The following ANKFY1 variants were observed in gnomAD, a reference collection of about 807,000 sequenced individuals.
The protein encoded by ANKFY1 is ankyrin repeat and FYVE domain containing 1, also known as ankyrin repeat and FYVE domain-containing protein 1.
Under a neutral mutation model 128.3 loss-of-function variants are expected in ANKFY1, and 47 were observed. The ratio of observed to expected loss-of-function variants is 0.37; its 90% CI spans 0.29 to 0.47. The LOEUF (loss-of-function observed/expected upper bound fraction) is 0.47. Among genes scored for constraint, ANKFY1 ranks in the 20% least tolerant of loss-of-function variants. The pLI is 1.00. For missense variants in ANKFY1, 1,222 were observed against 1,510.6 expected, an observed-to-expected ratio of 0.81 and a Z score of 3.17; for synonymous variants, 553 against 601.6, an observed-to-expected ratio of 0.92 and a Z score of 1.18.
chr17:4,180,737 G>T (rs1191733705), intron 16 of ANKFY1, among the ~76,000 whole-genome samples: 1 of 141,346 alleles, frequency 7.1e-6, no homozygotes. Context: ...CTCTAGCCTG[G>T]GTGAGAGAGC....
rs2059515294 is a variant in ANKFY1 at position 4,181,451 on chromosome 17, A to G, written c.2122-79T>C. 2.2e-6 allele frequency: 2 copies of G among 909,572 alleles called. No homozygotes were observed. Among genetic ancestry groups the G allele is most frequent in the South Asian group, 1.3e-5 (1 of 74,504 alleles). 56.3% of individuals were successfully genotyped at this position (909,572 alleles called of 1,614,324 possible). Reference sequence around the variant, plus strand: ...TTATTACCAAGTCTGAGCTCTATGTATAGCATTAAATCCACTTTCAGATAA... The same window carrying G: ...TTATTACCAAGTCTGAGCTCTATGTGTAGCATTAAATCCACTTTCAGATAA... On this transcript the variant is annotated intron_variant, in intron 15 of 24. Coordinates refer to ENST00000341657, the MANE Select transcript of ANKFY1 (RefSeq NM_001330063.2). This position sits in a 1 kb window ranked among gnomAD's most constrained non-coding sequence, Gnocchi z 4.9.
At chr17:4,232,468 T>C (rs1307844706) in intron 3 of ANKFY1, among the ~76,000 whole-genome samples, 1 of 152,214 alleles carries the variant, frequency 6.6e-6, no homozygotes, top group Non-Finnish European at 1.5e-5. Flanking sequence ...CATTAAAATG[T>C]CATAAAAAGT....
chr17:4,231,105 T>C (rs941675799), intron 3 of ANKFY1, among the ~76,000 whole-genome samples: 1 of 152,232 alleles, frequency 6.6e-6, no homozygotes. Context: ...CTTGACATGT[T>C]TGAGAAACAC....
intron 2 of ANKFY1, among the ~76,000 whole-genome samples, chr17:4,237,738 C>T (rs958248431): frequency 1.3e-4 from 19 of 151,966 alleles, no homozygotes; most frequent in Non-Finnish European, 2.2e-4. Context: ...TTTTAAAACA[C>T]AAATGAAAAC....
Position 4,217,107 on chromosome 17 carries a change from C to T in ANKFY1, c.334G>A (p.Glu112Lys). ...CAGCGAAGCATTGTCATCGTCACCT[C>T]AGGATTAGCATCTGGTTAAAGAAAG... ...KELDLSDANP[E>K]VTMTMLRWIY... Residue 112 changes from glutamate to lysine, a missense_variant, in exon 4 of 25, where the codon GAG becomes AAG. Physicochemically the swap from Glu to Lys is moderately conservative, Grantham distance 56. Transcript: ENST00000341657. 1.9e-6 allele frequency: 3 copies of T among 1,610,804 alleles called. No homozygotes were observed. The highest frequency in any genetic ancestry group is 2.5e-6 in the Non-Finnish European group (3 of 1,178,242).
chr17:4,195,495 GT>G, intron 8 of ANKFY1, 24 bp from the exon 9 acceptor site: 10 of 1,606,138 alleles, frequency 6.2e-6, no homozygotes, highest in Non-Finnish European at 8.5e-6. Flanking sequence ...AAGAAGAGGG[GT>G]CAGTTCAGGA....
At chr17:4,209,982 G>A in intron 4 of ANKFY1, 35 bp from the exon 5 acceptor site, 1 of 1,582,712 alleles carries the variant, frequency 6.3e-7, no homozygotes, top group Non-Finnish European at 8.7e-7. Flanking sequence ...GAGTATTACT[G>A]GACAAATAAT....
chr17:4,241,582 C>G (rs1967227960), intron 2 of ANKFY1, among the ~76,000 whole-genome samples: 1 of 151,848 alleles, frequency 6.6e-6, no homozygotes, highest in Non-Finnish European at 1.5e-5. Context: ...CCCTGAGCTT[C>G]TAACAGAAGC....
intron 3 of ANKFY1, among the ~76,000 whole-genome samples, chr17:4,218,749 G>C (rs1468290795): frequency 6.6e-6 from 1 of 152,178 alleles, no homozygotes; most frequent in Admixed American, 6.5e-5. Flanking sequence ...GTGGCGGCAT[G>C]TGTCTGTAGT....
chr17:4,206,979 C>T (rs181786075), intron 6 of ANKFY1, among the ~76,000 whole-genome samples: 3 of 152,180 alleles, frequency 2.0e-5, no homozygotes, highest in Non-Finnish European at 2.9e-5. Context: ...ATCACCCCCC[C>T]CAAAGACGGA....
chr17:4,218,787 A>T (rs1242125114), intron 3 of ANKFY1, among the ~76,000 whole-genome samples: 1 of 152,170 alleles, frequency 6.6e-6, no homozygotes, highest in East Asian at 1.9e-4. Flanking sequence ...CCAATGTGGG[A>T]AGAGAAATTG....
chr17:4,224,005 CT>C, intron 3 of ANKFY1, among the ~76,000 whole-genome samples: 1 of 152,272 alleles, frequency 6.6e-6, no homozygotes, highest in Admixed American at 6.5e-5. Flanking sequence ...CTAGATATCA[CT>C]TTTATTAGGT....
chr17:4,189,405 G>A lies in ANKFY1; in HGVS notation c.1447C>T (p.His483Tyr), dbSNP rs1395232215. The change falls in exon 11 of 25, where the codon CAT becomes TAT. Residue 483 changes from histidine to tyrosine, a missense_variant. By Grantham distance (83) the His-to-Tyr change is moderately conservative. Transcript: ENST00000341657. ...AALFLATNGA[H>Y]VNHRNKWGET... ...ACCCACTTGTTTCTGTGGTTGACAT[G>A]GGCACCGTTGGTTGCCAGGAAAAGA... 2.5e-6 allele frequency: 4 copies of A among 1,588,592 alleles called. No homozygotes were observed. Among genetic ancestry groups the A allele is most frequent in the Admixed American group, 1.7e-5 (1 of 57,914 alleles).
chr17:4,193,419 CTTTT>C (rs34747890), intron 10 of ANKFY1, among the ~76,000 whole-genome samples: 1 of 108,244 alleles, frequency 9.2e-6, no homozygotes, highest in African/African-American at 4.2e-5. Flanking sequence ...CCAGTCGACT[CTTTT>C]TTTTTTTTTT....
At chr17:4,179,279 A>G (rs1337400438) in intron 17 of ANKFY1, 5 of 594,892 alleles carry the variant, frequency 8.4e-6, no homozygotes, top group African/African-American at 1.9e-5. Flanking sequence ...GACCAGCACA[A>G]ACATGTGTTT....
Position 4,169,623 on chromosome 17 carries a change from A to C in ANKFY1, c.3287-335T>G, listed in dbSNP as rs1019248542. Among the ~76,000 whole-genome samples the C allele has an allele frequency of 1.3e-5, 2 of 152,160 alleles. No individual in the cohort carries two copies. The highest frequency in any genetic ancestry group is 2.9e-5 in the Non-Finnish European group (2 of 68,022). On this transcript the variant is annotated intron_variant, in intron 23 of 24. Coordinates refer to ENST00000341657, the MANE Select transcript of ANKFY1 (RefSeq NM_001330063.2). The surrounding 1 kb of genome is among the most constrained non-coding windows in gnomAD (Gnocchi z 5.0). ...GACCACACAGCTAGACAAACTGGCC[A>C]GGGGAACAGAGGATGGGACTAAGAC...
At chr17:4,185,126 C>A in intron 11 of ANKFY1, 80 bp from the exon 12 acceptor site, 1 of 1,313,322 alleles carries the variant, frequency 7.6e-7, no homozygotes, top group South Asian at 1.3e-5. Context: ...AAGTGCAAAA[C>A]CTCGGGTCCT....
At chr17:4,233,523 T>C (rs2060549885) in intron 3 of ANKFY1, among the ~76,000 whole-genome samples, 1 of 152,226 alleles carries the variant, frequency 6.6e-6, no homozygotes, top group South Asian at 2.1e-4. Context: ...AACTTTTAGT[T>C]ATGGACCTCA....
intron 1 of ANKFY1, among the ~76,000 whole-genome samples, chr17:4,251,597 AC>A (rs1357530073): frequency 4.6e-5 from 7 of 151,770 alleles, no homozygotes; most frequent in African/African-American, 1.4e-4. Flanking sequence ...AATCTTAGTG[AC>A]CTCAGATTAA....
Sources: gnomAD v4.1 joint callset for allele counts (sites outside exome capture counted in the v4.1 genomes callset) on GRCh38, gnomAD v4.1.1 for gene constraint, Gnocchi (gnomAD v3.1) non-coding constraint, MANE v1.5 for transcripts, NCBI Gene and HGNC (gene_info 2026-07-23, HGNC 2026-07-21) for gene names.